MGST1: variants seen among roughly 807,000 people sequenced by gnomAD.
The protein encoded by MGST1 is microsomal glutathione S-transferase 1, also known as glutathione S-transferase 12.
A neutral mutation model predicts 8.9 loss-of-function variants in MGST1; 5 were observed. The ratio of observed to expected loss-of-function variants is 0.56; its 90% CI spans 0.29 to 1.19. MGST1 has a LOEUF of 1.19. MGST1 is among the 50% of genes most tolerant of loss of function. The probability of loss-of-function intolerance (pLI) is 0.08; values close to 1 mark genes in which losing one functional copy is unlikely to be tolerated. For synonymous variants in MGST1, 54 were observed against 67.8 expected, an observed-to-expected ratio of 0.80 and a Z score of 1.00; for missense variants, 182 against 187.4, an observed-to-expected ratio of 0.97 and a Z score of 0.17.
At chr12:16,348,803 A>T (rs79902933) in intron 1 of MGST1, 1,194 of 9,402 alleles carry the variant, frequency 0.13, 8 homozygotes, top group Middle Eastern at 0.33. Flanking sequence ...TTGGTAATTA[A>T]AAAAAAAAAA....
intron 1 of MGST1, among the ~76,000 whole-genome samples, chr12:16,397,784 T>G (rs984165651): frequency 6.6e-6 from 1 of 150,806 alleles, no homozygotes; most frequent in African/African-American, 2.4e-5. Context: ...GTATCTTTTT[T>G]TTTTTTGGTA....
At chr12:16,402,348 C>T in intron 1 of MGST1, 1 of 1,601,926 alleles carries the variant, frequency 6.2e-7, no homozygotes, top group Non-Finnish European at 8.5e-7. Flanking sequence ...TACTCATCTT[C>T]TCCTTTCTGC....
At chr12:16,353,595 C>CTACTTA (rs1406944104) in intron 1 of MGST1, 1 of 151,988 alleles carries the variant, frequency 6.6e-6, no homozygotes, top group African/African-American at 2.4e-5. Flanking sequence ...TGCTTTCAAC[C>CTACTTA]TACTTATAGT....
chr12:16,534,781 A>G (rs1941744813), intron 4 of MGST1, among the ~76,000 whole-genome samples: 2 of 150,154 alleles, frequency 1.3e-5, no homozygotes, highest in Admixed American at 1.3e-4. Context: ...GTTCTTTTTT[A>G]TTTCATCCTA....
chr12:16,363,844 C>A lies in MGST1; in HGVS notation c.271C>A (p.Leu91Ile), dbSNP rs770350835. The change falls in exon 4 of 4, where the codon CTC (leucine) becomes ATC (isoleucine). Residue 91 changes from leucine (L) to isoleucine (I), a missense_variant. Physicochemically the swap from Leu to Ile is conservative, Grantham distance 5. Coordinates refer to ENST00000396210, the MANE Select transcript of MGST1 (RefSeq NM_020300.5). This position sits in a 1 kb window ranked among gnomAD's most constrained non-coding sequence, Gnocchi z 4.6. Reference sequence around the variant, plus strand: ...TATTATTCCATTTCTTGGAATTGGCCTCCTGTATTCCTTGAGTGGTCCCGA... The same window carrying A: ...TATTATTCCATTTCTTGGAATTGGCATCCTGTATTCCTTGAGTGGTCCCGA... ...ENIIPFLGIG[L>I]LYSLSGPDPS... 9.9e-6 allele frequency: 16 copies of A among 1,612,140 alleles called. No individual in the cohort carries two copies. The highest frequency in any genetic ancestry group is 1.3e-5 in the African/African-American group (1 of 74,958).
At chr12:16,372,283 G>A (rs1198771926) in intron 3 of MGST1, among the ~76,000 whole-genome samples, 1 of 152,000 alleles carries the variant, frequency 6.6e-6, no homozygotes, top group African/African-American at 2.4e-5. Flanking sequence ...ATATCCATAT[G>A]ATAAGAGATT....
At chr12:16,366,628 T>TACACACAC (rs374809283), downstream of MGST1, among the ~76,000 whole-genome samples, 397 of 83,928 alleles carry the variant, frequency 4.7e-3, no homozygotes, top group South Asian at 6.3e-3. The surrounding 1 kb of genome is among the most constrained non-coding windows in gnomAD (Gnocchi z 4.0). Context: ...TATCTGTGTG[T>TACACACAC]ACACACACAC....
intron 4 of MGST1, among the ~76,000 whole-genome samples, chr12:16,459,256 G>C (rs2137122675): frequency 6.6e-6 from 1 of 152,136 alleles, no homozygotes; most frequent in African/African-American, 2.4e-5. Flanking sequence ...TAAATCTCAA[G>C]AAGTGTGGGT....
intron 4 of MGST1, among the ~76,000 whole-genome samples, chr12:16,525,068 G>A (rs865909580): frequency 4.6e-5 from 7 of 151,696 alleles, no homozygotes; most frequent in African/African-American, 1.7e-4. Flanking sequence ...CTCATGCTAG[G>A]TTTTATTCCT....
chr12:16,388,633 A>G (rs1417471288), intron 1 of MGST1, among the ~76,000 whole-genome samples: 1 of 152,240 alleles, frequency 6.6e-6, no homozygotes. Context: ...TGTCACAGCA[A>G]TATCAGCTGG....
At chr12:16,580,247 C>G (rs1381078605) in intron 4 of MGST1, among the ~76,000 whole-genome samples, 4 of 152,172 alleles carry the variant, frequency 2.6e-5, no homozygotes, top group Non-Finnish European at 4.4e-5. Context: ...ACTACAGGTG[C>G]ATGCCACTGC....
At chr12:16,474,800 T>C (rs937930746) in intron 4 of MGST1, among the ~76,000 whole-genome samples, 9 of 152,176 alleles carry the variant, frequency 5.9e-5, no homozygotes, top group Admixed American at 5.2e-4. Context: ...CAGAAGCTAG[T>C]GTGTTTGTGC....
At chr12:16,530,473 T>C (rs1379610700) in intron 4 of MGST1, among the ~76,000 whole-genome samples, 2 of 152,108 alleles carry the variant, frequency 1.3e-5, no homozygotes, top group South Asian at 2.1e-4. Flanking sequence ...AATACAGATA[T>C]AGGAGTTTTA....
chr12:16,430,722 A>G (rs1940931273), intron 1 of MGST1, among the ~76,000 whole-genome samples: 1 of 152,198 alleles, frequency 6.6e-6, no homozygotes, highest in South Asian at 2.1e-4. Flanking sequence ...TTTATAGATC[A>G]TAGACAGAGT....
intron 1 of MGST1, among the ~76,000 whole-genome samples, chr12:16,397,528 C>T (rs1037511155): frequency 2.0e-5 from 3 of 151,982 alleles, no homozygotes; most frequent in Non-Finnish European, 2.9e-5. Flanking sequence ...ATCTATCCAT[C>T]CAACAAAGAA....
In MGST1 at chr12:16,582,459, T is replaced by A. The variant is rs543532350; in HGVS notation, n.483-7069T>A. Among the ~76,000 whole-genome samples, 1 of 152,350 alleles carries A rather than the reference T, an allele frequency of 6.6e-6. No individual in the cohort carries two copies. The highest frequency in any genetic ancestry group is 1.9e-4 in the East Asian group (1 of 5,182). On this transcript the variant is annotated intron_variant and non_coding_transcript_variant, in intron 4 of 4. Coordinates refer to the MGST1 transcript ENST00000538857. The surrounding 1 kb of genome is among the most constrained non-coding windows in gnomAD (Gnocchi z 4.1). ...TATTGTCTTTATCAGGTCAAGGTACTGTATTAGAGTTATGTTAGTTTTGCA... is the reference window on the plus strand; with the variant it reads ...TATTGTCTTTATCAGGTCAAGGTACAGTATTAGAGTTATGTTAGTTTTGCA...
chr12:16,554,504 T>C (rs1257886102), intron 4 of MGST1, among the ~76,000 whole-genome samples: 1 of 152,196 alleles, frequency 6.6e-6, no homozygotes, highest in Non-Finnish European at 1.5e-5. Flanking sequence ...ACTATACACC[T>C]GTGAACAAAT....
chr12:16,379,542 T>A (rs369567611), downstream of MGST1, among the ~76,000 whole-genome samples: 1 of 152,170 alleles, frequency 6.6e-6, no homozygotes, highest in African/African-American at 2.4e-5. Context: ...TGCTGGATTC[T>A]GTTTGCCAGT....
At chr12:16,366,329 A>G (rs9332958), downstream of MGST1, among the ~76,000 whole-genome samples, 1,729 of 152,258 alleles carry the variant, frequency 0.011, 19 homozygotes, top group African/African-American at 0.022. This position sits in a 1 kb window ranked among gnomAD's most constrained non-coding sequence, Gnocchi z 4.0. Context: ...CTTTAGATAC[A>G]GGGGGATTTA....
Sources: gnomAD v4.1 joint callset for allele counts (sites outside exome capture counted in the v4.1 genomes callset) on GRCh38, gnomAD v4.1.1 for gene constraint, Gnocchi (gnomAD v3.1) non-coding constraint, MANE v1.5 for transcripts, NCBI Gene and HGNC (gene_info 2026-07-23, HGNC 2026-07-21) for gene names.